DNAH5: variants seen among roughly 807,000 people sequenced by gnomAD.
DNAH5 encodes the protein axonemal beta dynein heavy chain 5.
A neutral mutation model predicts 518.2 loss-of-function variants in DNAH5; 372 were observed. The ratio of observed to expected loss-of-function variants is 0.72; its 90% CI spans 0.66 to 0.78. The LOEUF (loss-of-function observed/expected upper bound fraction) is 0.78, where lower values mean the gene tolerates loss of function less well. DNAH5 is among the 30% of genes least tolerant of loss of function. The pLI is 0.00. For missense variants in DNAH5, 5,523 were observed against 5,687.0 expected, an observed-to-expected ratio of 0.97 and a Z score of 0.93; for synonymous variants, 2,039 against 2,025.9, an observed-to-expected ratio of 1.01 and a Z score of -0.17.
chr5:13,717,443 A>C lies in DNAH5; in HGVS notation c.12577T>G (p.Ser4193Ala), dbSNP rs769256866. 1.2e-6 allele frequency: 2 copies of C among 1,614,156 alleles called. No homozygotes were observed. The highest frequency in any genetic ancestry group is 1.7e-6 in the Non-Finnish European group (2 of 1,180,006). ...PMLYAVAFLH[S>A]TVQERRKFGA... is the part of the protein sequence containing the mutation. ...AACTTGCGCCTCTCCTGGACAGTGG[A>C]GTGCAGGAAAGCCACTGCGTACAGC... is the stretch of plus-strand genomic sequence containing the variant. The change falls in exon 73 of 79, where the codon TCC becomes GCC. Residue 4193 changes from serine to alanine, a missense_variant. Physicochemically the swap from Ser to Ala is moderately conservative, Grantham distance 99. This residue lies in a region of DNAH5 where 5,121 missense variants were observed against 5,223.3 expected (regional missense o/e 0.98). Coordinates refer to ENST00000265104, the MANE Select transcript of DNAH5 (RefSeq NM_001369.3).
chr5:13,934,785 G>A (rs1008457994), intron 1 of DNAH5, among the ~76,000 whole-genome samples: 2 of 152,152 alleles, frequency 1.3e-5, no homozygotes, highest in Non-Finnish European at 2.9e-5. Flanking sequence ...TGGGGAGGTG[G>A]CAAGAGGCAG....
At chr5:13,710,640 G>C (rs781424296) in intron 75 of DNAH5, among the ~76,000 whole-genome samples, 1 of 152,028 alleles carries the variant, frequency 6.6e-6, no homozygotes, top group African/African-American at 2.4e-5. Flanking sequence ...AAGAAAAGAA[G>C]AGAGAAAATC....
chr5:13,948,156 T>C (rs78091223), upstream of DNAH5, among the ~76,000 whole-genome samples: 1,353 of 152,312 alleles, frequency 8.9e-3, 22 homozygotes, highest in East Asian at 0.06. Context: ...TGTCACCTTC[T>C]GGGAAGATCC....
chr5:13,759,061 G>GC, intron 60 of DNAH5, 78 bp from the exon 61 acceptor site: 1 of 1,575,902 alleles, frequency 6.3e-7, no homozygotes, highest in East Asian at 2.2e-5. Context: ...TGAGAACTCA[G>GC]CTAACGTCAC....
At chr5:13,727,072 C>T (rs6862469) in intron 70 of DNAH5, among the ~76,000 whole-genome samples, 78,584 of 152,070 alleles carry the variant, frequency 0.52, 20,847 homozygotes, top group East Asian at 0.57. Flanking sequence ...GAAATGACTA[C>T]GGTTTGGGCA....
At chr5:13,991,019 G>A (rs1037635480) in intron 1 of DNAH5, among the ~76,000 whole-genome samples, 5 of 152,056 alleles carry the variant, frequency 3.3e-5, no homozygotes, top group African/African-American at 1.2e-4. Context: ...TCCCTCCTGC[G>A]GGCTGCTTCC....
At chr5:13,699,118 A>G (rs7712372) in intron 78 of DNAH5, among the ~76,000 whole-genome samples, 86,443 of 151,928 alleles carry the variant, frequency 0.57, 24,951 homozygotes, top group African/African-American at 0.65. Context: ...ATGACCAAGC[A>G]AGCTAATGCT....
chr5:13,761,776 G>C (rs1022869736), intron 60 of DNAH5, among the ~76,000 whole-genome samples: 2 of 152,118 alleles, frequency 1.3e-5, no homozygotes, highest in Non-Finnish European at 1.5e-5. Context: ...TCAATTATTT[G>C]CTCTGAAATT....
intron 70 of DNAH5, among the ~76,000 whole-genome samples, chr5:13,722,159 C>G (rs73749930): frequency 6.6e-6 from 1 of 152,276 alleles, no homozygotes; most frequent in Non-Finnish European, 1.5e-5. Context: ...TGAGCCTCCC[C>G]ACTCCAATTC....
In DNAH5 at chr5:13,792,097, A is replaced by G; in HGVS notation, c.8345T>C (p.Leu2782Pro). The change falls in exon 50 of 79, where the codon CTT (leucine) becomes CCT (proline). Residue 2782 changes from leucine (L) to proline (P), a missense_variant. Physicochemically the swap from Leu to Pro is moderately conservative, Grantham distance 98. Coordinates refer to ENST00000265104, the MANE Select transcript of DNAH5 (RefSeq NM_001369.3). Reference protein sequence around the residue: ...RLWQMTKIKMLPTPAKFHYVF... With the variant: ...RLWQMTKIKMPPTPAKFHYVF... The stretch of plus-strand genomic sequence containing the variant: ...ATAATGGAATTTTGCAGGGGTAGGA[A>G]GCATTTTAATCTTGGTCATCTGCCA... 6.2e-7 allele frequency: 1 copy of G among 1,614,056 alleles called. No homozygotes were observed. The highest frequency in any genetic ancestry group is 8.5e-7 in the Non-Finnish European group (1 of 1,179,976).
At chr5:13,766,259 A>C (rs1327187384) in intron 58 of DNAH5, 80 bp from the exon 59 acceptor site, 22 of 1,472,384 alleles carry the variant, frequency 1.5e-5, no homozygotes, top group Non-Finnish European at 2.1e-5. Flanking sequence ...AAATGCTGCT[A>C]TTTCAACAGA....
intron 1 of DNAH5, among the ~76,000 whole-genome samples, chr5:13,998,513 G>A (rs1160600923): frequency 6.6e-6 from 1 of 152,194 alleles, no homozygotes; most frequent in Admixed American, 6.5e-5. Flanking sequence ...CCACGTAAGT[G>A]AAGGGCTCTG....
chr5:14,004,320 T>A (rs1315286522), intron 1 of DNAH5, among the ~76,000 whole-genome samples: 1 of 152,138 alleles, frequency 6.6e-6, no homozygotes. Context: ...CTTTCTCTGA[T>A]GAGCTGCGGG....
intron 45 of DNAH5, among the ~76,000 whole-genome samples, chr5:13,809,627 A>G (rs925086665): frequency 6.6e-6 from 1 of 152,326 alleles, no homozygotes; most frequent in South Asian, 2.1e-4. Context: ...CATTTTCTGT[A>G]TAAATGTACT....
At chr5:13,702,042 C>T (rs1742189299) in intron 76 of DNAH5, among the ~76,000 whole-genome samples, 1 of 152,154 alleles carries the variant, frequency 6.6e-6, no homozygotes, top group African/African-American at 2.4e-5. Context: ...AAAATGGAAA[C>T]CCAAGACTCT....
chr5:13,729,317 T>C lies in DNAH5; in HGVS notation c.11883+122A>G, dbSNP rs575982394. On this transcript the variant is annotated intron_variant, in intron 69 of 78. Coordinates refer to ENST00000265104, the MANE Select transcript of DNAH5 (RefSeq NM_001369.3). ...TGCTTTCAAGAAGGTCAAGCACATGTAATACCATTTTAAGAGTGACAATAT... is the reference window on the plus strand; with the variant it reads ...TGCTTTCAAGAAGGTCAAGCACATGCAATACCATTTTAAGAGTGACAATAT... 3.7e-6 allele frequency: 5 copies of C among 1,348,816 alleles called. No homozygotes were observed. In the South Asian group the frequency reaches 4.8e-5, roughly 13 times the overall value. 83.6% of individuals were successfully genotyped at this position (1,348,816 alleles called of 1,614,324 possible).
Position 13,894,775 on chromosome 5 carries a change from G to A in DNAH5, c.2306C>T (p.Ala769Val), listed in dbSNP as rs200101760. 1.1e-4 allele frequency: 170 copies of A among 1,613,944 alleles called. No homozygotes were observed. The highest frequency in any genetic ancestry group is 5.5e-4 in the Admixed American group (33 of 59,996). ...GTGAGGGACAATCAATTGCTCAATGGCAGCAGGTATTTTTGACTTCACTCT... is the reference window on the plus strand; with the variant it reads ...GTGAGGGACAATCAATTGCTCAATGACAGCAGGTATTTTTGACTTCACTCT... ...YQRVKSKIPA[A>V]IEQLIVPHLA... Residue 769 changes from alanine (A) to valine (V), a missense_variant, in exon 16 of 79, where the codon GCC (alanine) becomes GTC (valine). Physicochemically the swap from Ala to Val is moderately conservative, Grantham distance 64. Coordinates refer to ENST00000265104, the MANE Select transcript of DNAH5 (RefSeq NM_001369.3).
intron 41 of DNAH5, among the ~76,000 whole-genome samples, chr5:13,819,223 C>G (rs761403743): frequency 2.0e-5 from 3 of 152,094 alleles, no homozygotes; most frequent in Non-Finnish European, 2.9e-5. Flanking sequence ...ACATAAAAAT[C>G]CCAAAACAGA....
rs374407179 is a variant in DNAH5, at chr5:13,968,145, T to C, written c.13-36901A>G. On this transcript the variant is annotated intron_variant, in intron 1 of 78. Coordinates refer to the DNAH5 transcript ENST00000681290. ...TCTCAGCTTGGTCACTGTTGGTGTA[T>C]AGCAGTACTACTGATTTGTGTTTTG... is the stretch of plus-strand genomic sequence containing the variant. Among the ~76,000 whole-genome samples the C allele has an allele frequency of 2.2e-4, 33 of 152,320 alleles. No homozygotes were observed. In the South Asian group the frequency reaches 2.5e-3, roughly 11 times the overall value.
Sources: allele counts gnomAD v4.1 joint callset (sites outside exome capture counted in the v4.1 genomes callset), GRCh38; gene constraint gnomAD v4.1.1; regional missense constraint gnomAD v4.1.1; transcripts MANE v1.5; gene names NCBI Gene and HGNC (gene_info 2026-07-23, HGNC 2026-07-21).